Variants in NSMCE2 observed in about 807,000 individuals in gnomAD.
NSMCE2 encodes the protein E3 SUMO-protein ligase NSE2.
Under a neutral mutation model 23.8 loss-of-function variants are expected in NSMCE2, and 24 were observed. The ratio of observed to expected loss-of-function variants is 1.01; its 90% CI spans 0.73 to 1.42. The LOEUF (loss-of-function observed/expected upper bound fraction) is 1.42. Among genes scored for constraint, NSMCE2 ranks in the 40% most tolerant of loss-of-function variants. NSMCE2 has a pLI of 0.00. For missense variants in NSMCE2, 284 were observed against 296.5 expected, an observed-to-expected ratio of 0.96 and a Z score of 0.31; for synonymous variants, 92 against 94.1, an observed-to-expected ratio of 0.98 and a Z score of 0.13.
intron 3 of NSMCE2, among the ~76,000 whole-genome samples, chr8:125,115,736 AAAT>A (rs1418348100): frequency 4.5e-4 from 69 of 152,292 alleles, no homozygotes; most frequent in African/African-American, 1.6e-3. Flanking sequence ...CAATAAAAAA[AAAT>A]AATAATAAAT....
chr8:125,358,824 G>A (rs1295287701), intron 7 of NSMCE2, among the ~76,000 whole-genome samples: 1 of 152,082 alleles, frequency 6.6e-6, no homozygotes, highest in Non-Finnish European at 1.5e-5. Flanking sequence ...ATAATATATT[G>A]GAGACTAAAG....
At chr8:125,122,172 C>T (rs11986135) in intron 3 of NSMCE2, among the ~76,000 whole-genome samples, 1,222 of 46,000 alleles carry the variant, frequency 0.027, 104 homozygotes, top group Middle Eastern at 0.078. Context: ...CTGGCTGAGC[C>T]AAAAAAAAAA....
Position 125,366,984 on chromosome 8 carries a change from A to G in NSMCE2, c.*99A>G. The G allele has an allele frequency of 2.9e-6, 2 of 684,642 alleles. No homozygotes were observed. The highest frequency in any genetic ancestry group is 5.3e-6 in the Non-Finnish European group (2 of 378,512). 42.4% of individuals were successfully genotyped at this position (684,642 alleles called of 1,614,324 possible). ...CCCAGCAGTTAGGGACTGGCTGCAT[A>G]GCATACTTGTTGGGGGTAAAACTTG... On this transcript the variant is annotated 3_prime_UTR_variant, in exon 8 of 8. Coordinates refer to ENST00000287437, the MANE Select transcript of NSMCE2 (RefSeq NM_173685.4).
chr8:125,151,284 T>C lies in NSMCE2; in HGVS notation c.264+7T>C. 1 of 1,375,486 alleles carries C rather than the reference T, an allele frequency of 7.3e-7. No homozygotes were observed. Among genetic ancestry groups the C allele is most frequent in the South Asian group, 1.2e-5 (1 of 84,586 alleles). 85.2% of individuals were successfully genotyped at this position (1,375,486 alleles called of 1,614,324 possible). The stretch of plus-strand genomic sequence containing the variant: ...TCAATCTACAATAAATCATGTAAGT[T>C]TATACCACTCCCTGGTTATATATTT... On this transcript the variant is annotated splice_region_variant and intron_variant, in intron 4 of 7. Coordinates refer to ENST00000287437, the MANE Select transcript of NSMCE2 (RefSeq NM_173685.4).
chr8:125,245,803 G>A (rs895344078), intron 5 of NSMCE2, among the ~76,000 whole-genome samples: 3 of 152,136 alleles, frequency 2.0e-5, no homozygotes, highest in Non-Finnish European at 4.4e-5. Flanking sequence ...GGAGGCCCAG[G>A]CAGTGGATCA....
In NSMCE2 at chr8:125,151,193, T is replaced by G. The variant is rs1821005220; in HGVS notation, c.180T>G (p.Ser60Arg). The change falls in exon 4 of 8, where the codon AGT (serine) becomes AGG (arginine). Residue 60 changes from serine to arginine, a missense_variant. By Grantham distance (110) the Ser-to-Arg change is moderately radical. Around this residue, in one of 2 missense-constraint regions of NSMCE2, gnomAD observed 182 missense variants for 155.5 expected, o/e 1.17. Transcript: ENST00000287437. ...CAGCTGAAGTGAGTAGTGAATATAGTATGGACAAGGCAATGGTTGAATTTG... is the reference window on the plus strand; with the variant it reads ...CAGCTGAAGTGAGTAGTGAATATAGGATGGACAAGGCAATGGTTGAATTTG... ...ESQTEVSSEYSMDKAMVEFAT... is the reference protein window; with the variant it reads ...ESQTEVSSEYRMDKAMVEFAT... 2 of 1,601,640 alleles carry G rather than the reference T, an allele frequency of 1.2e-6. No homozygotes were observed. The highest frequency in any genetic ancestry group is 1.7e-6 in the Non-Finnish European group (2 of 1,169,316).
intron 5 of NSMCE2, among the ~76,000 whole-genome samples, chr8:125,260,288 A>G (rs1300143239): frequency 6.6e-6 from 1 of 152,212 alleles, no homozygotes; most frequent in African/African-American, 2.4e-5. Context: ...TTAGCCCAGT[A>G]TAAAAATGTG....
intron 5 of NSMCE2, among the ~76,000 whole-genome samples, chr8:125,232,323 A>G (rs1314325353): frequency 1.3e-5 from 2 of 152,156 alleles, no homozygotes; most frequent in Non-Finnish European, 2.9e-5. Flanking sequence ...AGATCGTGCC[A>G]TTGCATTCCA....
At chr8:125,101,464 T>C (rs907579968) in intron 1 of NSMCE2, among the ~76,000 whole-genome samples, 3 of 152,232 alleles carry the variant, frequency 2.0e-5, no homozygotes, top group Non-Finnish European at 4.4e-5. Flanking sequence ...GCAGTCTTCA[T>C]GTTATGTCTA....
At chr8:125,120,965 A>G (rs1819236252) in intron 3 of NSMCE2, among the ~76,000 whole-genome samples, 1 of 152,374 alleles carries the variant, frequency 6.6e-6, no homozygotes, top group South Asian at 2.1e-4. Context: ...CACATCTGCC[A>G]TAACGAAGGT....
chr8:125,156,922 A>G (rs913230033), intron 4 of NSMCE2, among the ~76,000 whole-genome samples: 4 of 152,136 alleles, frequency 2.6e-5, no homozygotes, highest in Non-Finnish European at 5.9e-5. Context: ...ATGAAATTCT[A>G]TAGGGTATCT....
chr8:125,279,598 G>A (rs117588701), intron 5 of NSMCE2, among the ~76,000 whole-genome samples: 5,070 of 152,236 alleles, frequency 0.033, 178 homozygotes, highest in South Asian at 0.18. Context: ...GGCAAAATGC[G>A]AAAGATAGAA....
intron 3 of NSMCE2, among the ~76,000 whole-genome samples, chr8:125,131,679 G>T (rs1457767624): frequency 6.6e-6 from 1 of 152,092 alleles, no homozygotes; most frequent in Admixed American, 6.6e-5. Context: ...CTACAGAAAT[G>T]TTTCTTAAAC....
intron 5 of NSMCE2, chr8:125,348,613 A>G (rs991806407): frequency 1.1e-4 from 16 of 152,096 alleles, no homozygotes; most frequent in Non-Finnish European, 1.3e-4. Context: ...TGTCCTCCCT[A>G]CTTTTCTCAT....
At chr8:125,209,480 A>T (rs1200034843) in intron 5 of NSMCE2, among the ~76,000 whole-genome samples, 1 of 152,232 alleles carries the variant, frequency 6.6e-6, no homozygotes. Context: ...AAGGAGAAGG[A>T]TCAATTAAAA....
intron 5 of NSMCE2, among the ~76,000 whole-genome samples, chr8:125,293,902 A>C (rs1231826248): frequency 6.6e-6 from 1 of 152,198 alleles, no homozygotes; most frequent in Non-Finnish European, 1.5e-5. Flanking sequence ...CCATCACCAC[A>C]ATCAATTTTA....
intron 3 of NSMCE2, among the ~76,000 whole-genome samples, chr8:125,126,414 A>G (rs952755385): frequency 6.6e-6 from 1 of 151,792 alleles, no homozygotes; most frequent in Admixed American, 6.6e-5. Flanking sequence ...TTTGCTCACA[A>G]GATGTGAGGA....
In NSMCE2 at chr8:125,210,890, G is replaced by T. The variant is rs536286033; in HGVS notation, c.418+28634G>T. Reference sequence around the variant, plus strand: ...TATGTGCCAATATGCCACTATGCCCGGCTAATTTTTTTTGTATTTTTTGGT... The same window carrying T: ...TATGTGCCAATATGCCACTATGCCCTGCTAATTTTTTTTGTATTTTTTGGT... On this transcript the variant is annotated intron_variant, in intron 5 of 7. Coordinates refer to ENST00000287437, the MANE Select transcript of NSMCE2 (RefSeq NM_173685.4). Among the ~76,000 whole-genome samples the T allele has an allele frequency of 2.0e-5, 3 of 151,930 alleles. No individual in the cohort carries two copies. In the South Asian group the frequency reaches 6.2e-4, roughly 32 times the overall value.
intron 3 of NSMCE2, among the ~76,000 whole-genome samples, chr8:125,115,667 C>A (rs557765278): frequency 2.5e-4 from 38 of 152,228 alleles, no homozygotes; most frequent in Middle Eastern, 3.4e-3. Flanking sequence ...AGGAGAATTG[C>A]TAGAACCAGG....
Sources: allele counts gnomAD v4.1 joint callset (sites outside exome capture counted in the v4.1 genomes callset), GRCh38; gene constraint gnomAD v4.1.1; regional missense constraint gnomAD v4.1.1; transcripts MANE v1.5; gene names NCBI Gene and HGNC (gene_info 2026-07-23, HGNC 2026-07-21).